The following C19orf38 variants were observed in gnomAD, a reference collection of about 807,000 sequenced individuals.
C19orf38 encodes chromosome 19 open reading frame 38.
C19orf38 carries 14 observed loss-of-function variants against 26.6 expected under a neutral mutation model. The ratio of observed to expected loss-of-function variants is 0.53; its 90% CI spans 0.35 to 0.82. The LOEUF is 0.82. Ranked by LOEUF, C19orf38 falls within the 40% of genes least tolerant of loss-of-function variation. The probability of loss-of-function intolerance (pLI) is 0.01; values close to 1 mark genes in which losing one functional copy is unlikely to be tolerated. For synonymous variants in C19orf38, 132 were observed against 128.5 expected (o/e 1.03, Z -0.18); for missense variants, 261 against 299.5 (o/e 0.87, Z 0.95).
At chr19:10,858,444 G>A in intron 4 of C19orf38, 101 bp downstream of exon 4, 2 of 1,163,050 alleles carry the variant, frequency 1.7e-6, no homozygotes, top group South Asian at 1.4e-5. Flanking sequence ...AGCGCCTCCT[G>A]GTGGGCATGC....
At chr19:10,844,113 A>G (rs373857122), upstream of C19orf38, among the ~76,000 whole-genome samples, 194 of 142,588 alleles carry the variant, frequency 1.4e-3, 2 homozygotes, top group East Asian at 0.037. Context: ...GACCATGTCT[A>G]AAAAAAAAAA....
At chr19:10,856,389 G>C (rs1425178501) in intron 3 of C19orf38, 32 bp downstream of exon 3, 2 of 1,523,210 alleles carry the variant, frequency 1.3e-6, no homozygotes, top group Non-Finnish European at 1.8e-6. Flanking sequence ...CACACAAGTT[G>C]CCAGTTGACA....
At chr19:10,863,553 C>A (rs2073724215) in intron 6 of C19orf38, among the ~76,000 whole-genome samples, 2 of 152,140 alleles carry the variant, frequency 1.3e-5, no homozygotes, top group South Asian at 4.1e-4. Flanking sequence ...GACCTGGTGG[C>A]CTCTCATAGA....
chr19:10,850,945 A>C (rs2073566372), intron 2 of C19orf38, among the ~76,000 whole-genome samples: 1 of 152,224 alleles, frequency 6.6e-6, no homozygotes, highest in Non-Finnish European at 1.5e-5. Flanking sequence ...CACAGGAGGT[A>C]CACACCTTGT....
chr19:10,855,254 A>C (rs142041511), intron 2 of C19orf38, among the ~76,000 whole-genome samples: 2 of 151,890 alleles, frequency 1.3e-5, no homozygotes, highest in African/African-American at 4.8e-5. Context: ...GTTGATCTCG[A>C]ACTCCTGACC....
chr19:10,860,416 C>A lies in C19orf38; in HGVS notation c.505+458C>A, dbSNP rs1011655082. On this transcript the variant is annotated intron_variant, in intron 5 of 6. Coordinates refer to ENST00000397820, the MANE Select transcript of C19orf38 (RefSeq NM_001136482.3). Reference sequence around the variant, plus strand: ...GGGTGTGGTGGCGGACACCTGTAATCCCAGCTACTTGGGAGGCTGAGGCAA... The same window carrying A: ...GGGTGTGGTGGCGGACACCTGTAATACCAGCTACTTGGGAGGCTGAGGCAA... 2.6e-5 allele frequency among the ~76,000 whole-genome samples: 4 copies of A among 151,164 alleles called. No individual in the cohort carries two copies. The Admixed American group carries it at 2.7e-4, about 10-fold the overall frequency.
At position 10,869,477 on chromosome 19, in the gene C19orf38, G is replaced by T. The variant is rs930635661; in HGVS notation, c.*110G>T. On this transcript the variant is annotated 3_prime_UTR_variant, in exon 7 of 7. Transcript: ENST00000397820. ...CACTTTCTCAGGGAATTGGACAGAGGAAAGGAAGGGGAACCCTGGCCTTGG... is the reference window on the plus strand; with the variant it reads ...CACTTTCTCAGGGAATTGGACAGAGTAAAGGAAGGGGAACCCTGGCCTTGG... 3 of 1,365,362 alleles carry T rather than the reference G, an allele frequency of 2.2e-6. No individual in the cohort carries two copies. The East Asian group carries it at 7.5e-5, about 34-fold the overall frequency. 84.6% of individuals were successfully genotyped at this position (1,365,362 alleles called of 1,614,324 possible). A position where few individuals can be genotyped will look rare whatever the true frequency, so the allele number is the denominator to read the frequency against.
In C19orf38 at chr19:10,850,274, C is replaced by T. The variant is rs927789878; in HGVS notation, c.47C>T (p.Pro16Leu). 1.3e-6 allele frequency: 2 copies of T among 1,550,314 alleles called. No individual in the cohort carries two copies. Among genetic ancestry groups the T allele is most frequent in the Admixed American group, 2.0e-5 (1 of 50,938 alleles). Residue 16 changes from proline to leucine, a missense_variant, in exon 2 of 7, where the codon CCA (proline) becomes CTA (leucine). Pro to Leu is a moderately conservative substitution (Grantham distance 98, BLOSUM62 -3). Coordinates refer to ENST00000397820, the MANE Select transcript of C19orf38 (RefSeq NM_001136482.3). Reference sequence around the variant, plus strand: ...TGCATTGCAGGCTCCTTGGCGATCCCAGCACCATCCATCCGGCTGGTGCCC... The same window carrying T: ...TGCATTGCAGGCTCCTTGGCGATCCTAGCACCATCCATCCGGCTGGTGCCC... ...LLFAAGSLAI[P>L]APSIRLVPPY...
At chr19:10,856,681 T>C (rs2073629254) in intron 3 of C19orf38, among the ~76,000 whole-genome samples, 1 of 151,048 alleles carries the variant, frequency 6.6e-6, no homozygotes, top group Non-Finnish European at 1.5e-5. Flanking sequence ...TATTTGTATT[T>C]TTAGAAGAGA....
chr19:10,851,709 C>T (rs953855014), intron 2 of C19orf38, among the ~76,000 whole-genome samples: 2 of 151,876 alleles, frequency 1.3e-5, no homozygotes, highest in Non-Finnish European at 2.9e-5. Context: ...TGGCTCACGC[C>T]TGTAATCCCA....
Position 10,848,559 on chromosome 19 carries a change from C to T in C19orf38, c.31+20C>T. 1 of 1,455,162 alleles carries T rather than the reference C, an allele frequency of 6.9e-7. No individual in the cohort carries two copies. The highest frequency in any genetic ancestry group is 9.2e-7 in the Non-Finnish European group (1 of 1,087,162). The allele number at this position is 1,455,162 out of a possible 1,614,324, so 90.1% of individuals were successfully genotyped here. On this transcript the variant is annotated intron_variant, in intron 1 of 6. Coordinates refer to ENST00000397820, the MANE Select transcript of C19orf38 (RefSeq NM_001136482.3). ...CAGCTGGTGAGTCTGAAGCCCCCCT[C>T]TCAGATCCCCCACGCCTTTCCCCCC...
Position 10,869,559 on chromosome 19 carries a change from A to G in C19orf38, c.*192A>G, listed in dbSNP as rs905545291. On this transcript the variant is annotated 3_prime_UTR_variant, in exon 7 of 7. Coordinates refer to ENST00000397820, the MANE Select transcript of C19orf38 (RefSeq NM_001136482.3). ...CACAGGCATGGGCCTGGCACTATAC[A>G]GACAACAGGAAGTTCCCCTCTCGAC... 1.1e-4 allele frequency: 83 copies of G among 771,744 alleles called. No homozygotes were observed. In the Middle Eastern group the frequency reaches 1.6e-3, roughly 14 times the overall value. The allele number at this position is 771,744 out of a possible 1,614,324, so 47.8% of individuals were successfully genotyped here.
intron 3 of C19orf38, among the ~76,000 whole-genome samples, chr19:10,857,894 AAAAGAAAGAAAG>A (rs111685154): frequency 0.012 from 1,713 of 142,506 alleles, 18 homozygotes; most frequent in Non-Finnish European, 0.017. Flanking sequence ...AAACAACAAA[AAAAGAAAGAAAG>A]AAAGAAAGAA....
At chr19:10,856,182 T>C (rs2073623248) in intron 2 of C19orf38, 83 bp from the exon 3 acceptor site, 1 of 1,080,438 alleles carries the variant, frequency 9.3e-7, no homozygotes, top group African/African-American at 1.6e-5. Context: ...TGGTTGGGGG[T>C]TATGGGGTAA....
chr19:10,841,881 T>C, intron 1 of C19orf38: 1 of 1,570,132 alleles, frequency 6.4e-7, no homozygotes, highest in South Asian at 1.1e-5. Flanking sequence ...AGGATCTGTC[T>C]ACTTTTCTTA....
intron 1 of C19orf38, among the ~76,000 whole-genome samples, chr19:10,839,397 G>T (rs551100589): frequency 2.6e-5 from 4 of 152,306 alleles, no homozygotes; most frequent in Admixed American, 6.5e-5. Context: ...TATTAGAAAA[G>T]AAATGATATC....
Position 10,850,477 on chromosome 19 carries a change from G to T in C19orf38, c.250G>T (p.Gly84Ter), listed in dbSNP as rs765147165. The stretch of plus-strand genomic sequence containing the variant: ...CGGCGGCAGCAGCAAGGCTCCAGGG[G>T]GACCCTTCCACTGCCAGTATGGAGT... ...LSGGSSKAPGGPFHCQYGVLG... is the reference protein window; with the variant it reads ...LSGGSSKAPG The change falls in exon 2 of 7, where the codon GGA becomes TGA. Residue 84 changes from glycine to a stop codon, truncating the protein, a stop_gained. Coordinates refer to ENST00000397820, the MANE Select transcript of C19orf38 (RefSeq NM_001136482.3). LOFTEE classifies it high-confidence loss of function. 1 of 1,551,666 alleles carries T rather than the reference G, an allele frequency of 6.4e-7. No homozygotes were observed. Among genetic ancestry groups the T allele is most frequent in the Admixed American group, 2.0e-5 (1 of 50,988 alleles).
intron 2 of C19orf38, among the ~76,000 whole-genome samples, chr19:10,851,427 A>C (rs973235887): frequency 6.7e-6 from 1 of 148,426 alleles, no homozygotes; most frequent in African/African-American, 2.5e-5. Context: ...TTCATCCTCC[A>C]ATTCCTATCC....
chr19:10,859,290 G>GTGTA lies in C19orf38; in HGVS notation c.462-624_462-623insGTAT, dbSNP rs1555721420. ...TGTGTGTGTGTGTGTATGTGTGTGTGTATATGTGTGTGTGTGTATGTATGT... is the reference window on the plus strand; with the variant it reads ...TGTGTGTGTGTGTGTATGTGTGTGTGTGTATATATGTGTGTGTGTGTATGTATGT... On this transcript the variant is annotated intron_variant, in intron 4 of 6. Transcript: ENST00000397820. Among the ~76,000 whole-genome samples the GTGTA allele has an allele frequency of 1.4e-3, 188 of 131,522 alleles. 1 individual carries two copies. Among genetic ancestry groups the GTGTA allele is most frequent in the African/African-American group, 5.3e-3 (184 of 34,614 alleles). 86.3% of individuals were successfully genotyped at this position (131,522 alleles called of 152,430 possible).
Sources: gnomAD v4.1 joint callset for allele counts (sites outside exome capture counted in the v4.1 genomes callset) on GRCh38, gnomAD v4.1.1 for gene constraint, MANE v1.5 for transcripts, NCBI Gene and HGNC (gene_info 2026-07-23, HGNC 2026-07-21) for gene names.